Variants in VWA3B observed in about 807,000 individuals in gnomAD.
VWA3B encodes von Willebrand factor A domain containing 3B.
VWA3B carries 138 observed loss-of-function variants against 158.3 expected under a neutral mutation model. That is an observed-to-expected ratio of 0.87 (90% confidence interval 0.76 to 1.00). The LOEUF (loss-of-function observed/expected upper bound fraction) is 1.00. Among genes scored for constraint, VWA3B ranks in the 50% least tolerant of loss-of-function variants. The pLI is 0.00. For synonymous variants in VWA3B, 596 were observed against 587.3 expected (o/e 1.01, Z -0.21); for missense variants, 1,555 against 1,565.1 (o/e 0.99, Z 0.11).
chr2:98,267,781 A>G (rs1687937333), intron 21 of VWA3B, among the ~76,000 whole-genome samples: 1 of 152,162 alleles, frequency 6.6e-6, no homozygotes, highest in African/African-American at 2.4e-5. Flanking sequence ...AATAAAATTG[A>G]TAGACTACTA....
Position 98,290,552 on chromosome 2 carries a change from A to T in VWA3B, c.3087A>T (p.Ser1029=). The T allele has an allele frequency of 1.9e-6, 3 of 1,585,578 alleles. No homozygotes were observed. The highest frequency in any genetic ancestry group is 2.6e-6 in the Non-Finnish European group (3 of 1,172,794). Residue 1029 remains serine, a synonymous_variant, in exon 23 of 28, where the codon TCA becomes TCT. Coordinates refer to ENST00000477737, the MANE Select transcript of VWA3B (RefSeq NM_144992.5). ...GAAATCCAACAAAGAAAACCAAATC[A>T]AAAAGACCAGATCCCCTCAAAGGAC... ...LQGNPTKKTK[S]KRPDPLKGQK...
At chr2:98,206,611 C>T (rs545237987) in intron 12 of VWA3B, 47 of 425,758 alleles carry the variant, frequency 1.1e-4, no homozygotes, top group South Asian at 5.4e-4. Flanking sequence ...TTGATGAAAG[C>T]GGTCCCATCA....
At chr2:98,089,131 CTG>C (rs918981665) in intron 1 of VWA3B, among the ~76,000 whole-genome samples, 1 of 152,096 alleles carries the variant, frequency 6.6e-6, no homozygotes, top group Non-Finnish European at 1.5e-5. Context: ...CTTATTAACA[CTG>C]TGGATATTTG....
intron 26 of VWA3B, among the ~76,000 whole-genome samples, chr2:98,309,909 A>C (rs1436199210): frequency 6.6e-6 from 1 of 152,178 alleles, no homozygotes; most frequent in Non-Finnish European, 1.5e-5. Context: ...TTCAGCAACA[A>C]ACCCTGTCTG....
At chr2:98,249,219 C>T (rs990911133) in intron 19 of VWA3B, among the ~76,000 whole-genome samples, 1 of 151,720 alleles carries the variant, frequency 6.6e-6, no homozygotes, top group African/African-American at 2.4e-5. Context: ...GCGTTTATTC[C>T]TTTATCAACA....
At chr2:98,168,875 A>G (rs1679338927) in intron 8 of VWA3B, among the ~76,000 whole-genome samples, 1 of 152,200 alleles carries the variant, frequency 6.6e-6, no homozygotes, top group African/African-American at 2.4e-5. Context: ...TAGACATTAG[A>G]TGGGATTCCT....
chr2:98,300,874 C>T (rs1354887998), intron 25 of VWA3B, among the ~76,000 whole-genome samples: 1 of 152,136 alleles, frequency 6.6e-6, no homozygotes, highest in African/African-American at 2.4e-5. Flanking sequence ...GGTGCTACTA[C>T]CTGGTTCCCC....
rs1691008841 is a variant in VWA3B, at chr2:98,313,196, A to G, written c.*847A>G. 1 of 152,194 alleles carries G rather than the reference A, an allele frequency of 6.6e-6. No homozygotes were observed. The highest frequency in any genetic ancestry group is 1.5e-5 in the Non-Finnish European group (1 of 68,036). 9.4% of individuals were successfully genotyped at this position (152,194 alleles called of 1,614,324 possible). A position where few individuals can be genotyped will look rare whatever the true frequency, so the allele number is the denominator to read the frequency against. On this transcript the variant is annotated 3_prime_UTR_variant, in exon 28 of 28. Transcript: ENST00000477737. ...TGATACTCTAAAAATTTACAATCTA[A>G]TTAAAAGTGGCATTCACATTCCTGA...
rs183680233 is a variant in VWA3B at position 98,130,536 on chromosome 2, C to G, written c.872+2128C>G. ...CTTTCCTAGGCAGAGGTCCCTGCAG[C>G]CTTCCGCAGTGTTTGTGTCCCTGGG... On this transcript the variant is annotated intron_variant, in intron 6 of 27. Transcript: ENST00000477737. Among the ~76,000 whole-genome samples, 12 of 152,080 alleles carry G rather than the reference C, an allele frequency of 7.9e-5. No homozygotes were observed. The East Asian group carries it at 2.3e-3, about 29-fold the overall frequency.
intron 13 of VWA3B, among the ~76,000 whole-genome samples, chr2:98,214,618 G>A (rs1034586025): frequency 2.6e-5 from 4 of 152,034 alleles, no homozygotes; most frequent in African/African-American, 9.7e-5. Flanking sequence ...AAAAACAACT[G>A]TTAGCCTATT....
intron 8 of VWA3B, among the ~76,000 whole-genome samples, chr2:98,169,715 CTGTGTGTG>C (rs61535424): frequency 0.02 from 2,747 of 134,294 alleles, 42 homozygotes; most frequent in African/African-American, 0.04. Flanking sequence ...CCTGGGCATT[CTGTGTGTG>C]TGTGTGTGTG....
chr2:98,186,852 G>A (rs149903533), intron 9 of VWA3B, among the ~76,000 whole-genome samples: 37 of 152,110 alleles, frequency 2.4e-4, no homozygotes, highest in Middle Eastern at 3.4e-3. Flanking sequence ...GAAAGCCCTG[G>A]GAAGAGTCCT....
chr2:98,233,508 G>A (rs1349563125), intron 16 of VWA3B, among the ~76,000 whole-genome samples: 1 of 152,168 alleles, frequency 6.6e-6, no homozygotes, highest in Non-Finnish European at 1.5e-5. Context: ...CAGGAGCTCA[G>A]CTCTCTGATT....
chr2:98,198,965 T>C (rs868102522), intron 12 of VWA3B, among the ~76,000 whole-genome samples: 19 of 152,024 alleles, frequency 1.2e-4, no homozygotes, highest in African/African-American at 4.6e-4. Context: ...TGTGCGCCTG[T>C]AGTACCAGCT....
intron 15 of VWA3B, among the ~76,000 whole-genome samples, chr2:98,229,764 G>A: frequency 6.6e-6 from 1 of 152,146 alleles, no homozygotes; most frequent in South Asian, 2.1e-4. Context: ...TGAGGAAAGT[G>A]AAGAAGTTTA....
rs74735968 is a variant in VWA3B, at chr2:98,192,969, T to C, written c.1538T>C (p.Ile513Thr). ...RLHNDCIYIL[I>T]DTSHSMKSKL... ...CATAATGATTGCATCTACATTCTCATTGACACGTCTCACTCAATGAAGAGC... is the reference window on the plus strand; with the variant it reads ...CATAATGATTGCATCTACATTCTCACTGACACGTCTCACTCAATGAAGAGC... Residue 513 changes from isoleucine to threonine, a missense_variant, in exon 11 of 28, where the codon ATT becomes ACT. Transcript: ENST00000477737. 90,474 of 1,614,120 alleles carry C rather than the reference T, an allele frequency of 0.056. 2,976 individuals are homozygous for C. Among genetic ancestry groups the C allele is most frequent in the Non-Finnish European group, 0.065 (76,111 of 1,180,006 alleles).
chr2:98,117,476 G>T (rs548203949), intron 3 of VWA3B, among the ~76,000 whole-genome samples: 2 of 152,130 alleles, frequency 1.3e-5, no homozygotes, highest in African/African-American at 2.4e-5. Context: ...CACTGGCTGC[G>T]CTGGGGCAGC....
intron 12 of VWA3B, among the ~76,000 whole-genome samples, chr2:98,201,512 G>A (rs954408153): frequency 3.9e-5 from 6 of 152,130 alleles, no homozygotes; most frequent in Non-Finnish European, 8.8e-5. Context: ...AAGACTTTCA[G>A]TATGATGTTT....
intron 2 of VWA3B, among the ~76,000 whole-genome samples, chr2:98,094,769 CT>C (rs1682597631): frequency 6.6e-6 from 1 of 152,150 alleles, no homozygotes; most frequent in African/African-American, 2.4e-5. Context: ...ACAATTAAGT[CT>C]GTAATTCATT....
Sources: gnomAD v4.1 joint callset for allele counts (sites outside exome capture counted in the v4.1 genomes callset) on GRCh38, gnomAD v4.1.1 for gene constraint, MANE v1.5 for transcripts, NCBI Gene and HGNC (gene_info 2026-07-23, HGNC 2026-07-21) for gene names.